The following NECTIN3 variants were observed in gnomAD, a reference collection of about 807,000 sequenced individuals.
NECTIN3 encodes the protein nectin cell adhesion molecule 3.
In NECTIN3, 8 loss-of-function variants were observed where a neutral mutation model predicts 49.4. The ratio of observed to expected loss-of-function variants is 0.16; its 90% confidence interval spans 0.10 to 0.29. The LOEUF (loss-of-function observed/expected upper bound fraction) is 0.29, where lower values mean the gene tolerates loss of function less well. Among genes scored for constraint, NECTIN3 ranks in the 10% least tolerant of loss-of-function variants. NECTIN3 has a pLI of 1.00. For missense variants in NECTIN3, 581 were observed against 654.6 expected, an observed-to-expected ratio of 0.89 and a Z score of 1.23; for synonymous variants, 277 against 241.1, an observed-to-expected ratio of 1.15 and a Z score of -1.38.
intron 5 of NECTIN3, among the ~76,000 whole-genome samples, chr3:111,130,990 T>C (rs958612720): frequency 6.6e-5 from 10 of 152,120 alleles, no homozygotes; most frequent in African/African-American, 1.4e-4. Context: ...TCAGGTCATA[T>C]TGATTTTAGG....
intron 1 of NECTIN3, among the ~76,000 whole-genome samples, chr3:111,078,079 C>T (rs936360125): frequency 1.3e-5 from 2 of 152,046 alleles, no homozygotes; most frequent in African/African-American, 4.8e-5. Context: ...ATATATTATA[C>T]TTATAGATCA....
chr3:111,183,273 A>G (rs755368917), intron 7 of NECTIN3, among the ~76,000 whole-genome samples: 3 of 151,934 alleles, frequency 2.0e-5, no homozygotes, highest in Non-Finnish European at 4.4e-5. Context: ...TTCTTATGTT[A>G]CAGATCTACT....
Position 111,135,377 on chromosome 3 carries a change from A to T in NECTIN3, c.*1162A>T. On this transcript the variant is annotated 3_prime_UTR_variant, in exon 6 of 6. Coordinates refer to ENST00000485303, the MANE Select transcript of NECTIN3 (RefSeq NM_015480.3). ...TCTGTTTTTACGATTAAAACTGGAA[A>T]CATGAGGTTTTTTGTTTTTGTTTTT... The T allele has an allele frequency of 1.1e-6, 1 of 934,952 alleles. No individual in the cohort carries two copies. The highest frequency in any genetic ancestry group is 1.3e-6 in the Non-Finnish European group (1 of 784,332). The allele number at this position is 934,952 out of a possible 1,614,324, so 57.9% of individuals were successfully genotyped here. A position where few individuals can be genotyped will look rare whatever the true frequency, so the allele number is the denominator to read the frequency against.
At chr3:111,128,277 C>T (rs184073362) in intron 5 of NECTIN3, among the ~76,000 whole-genome samples, 1 of 148,008 alleles carries the variant, frequency 6.8e-6, no homozygotes, top group East Asian at 2.0e-4. Context: ...GCAGAGATTG[C>T]AGTGAGCCCA....
intron 1 of NECTIN3, among the ~76,000 whole-genome samples, chr3:111,107,155 G>A (rs563237273): frequency 5.3e-5 from 8 of 151,752 alleles, no homozygotes; most frequent in East Asian, 1.9e-4. Context: ...AGTTATATAC[G>A]TCATTACATT....
intron 1 of NECTIN3, chr3:111,072,620 T>C: frequency 1.3e-6 from 2 of 1,507,522 alleles, no homozygotes; most frequent in Non-Finnish European, 1.8e-6. Context: ...AGCCTCCGGG[T>C]CCACTTCTCA....
Position 111,134,006 on chromosome 3 carries a change from C to A in NECTIN3, c.1441C>A (p.Leu481Ile), listed in dbSNP as rs755325649. ...KKENKNPVNN[L>I]IRKDYLEEPE... ...AGAAAACAAAAATCCAGTGAACAAT[C>A]TAATACGTAAAGACTATTTAGAAGA... Residue 481 changes from leucine (L) to isoleucine (I), a missense_variant, in exon 6 of 6, where the codon CTA becomes ATA. Coordinates refer to ENST00000485303, the MANE Select transcript of NECTIN3 (RefSeq NM_015480.3). 1 of 1,612,826 alleles carries A rather than the reference C, an allele frequency of 6.2e-7. No individual in the cohort carries two copies. The highest frequency in any genetic ancestry group is 1.3e-5 in the African/African-American group (1 of 74,750).
chr3:111,135,228 T>A lies in NECTIN3; in HGVS notation c.*1013T>A. On this transcript the variant is annotated 3_prime_UTR_variant, in exon 6 of 6. Transcript: ENST00000485303. ...AATGTACAGAAAGAAAATTTTAGAG[T>A]AAACTTGGAACTTTGGATATAACTA... 1.0e-6 allele frequency: 1 copy of A among 972,008 alleles called. No individual in the cohort carries two copies. Among genetic ancestry groups the A allele is most frequent in the Non-Finnish European group, 1.2e-6 (1 of 818,008 alleles). 60.2% of individuals were successfully genotyped at this position (972,008 alleles called of 1,614,324 possible). A position where few individuals can be genotyped will look rare whatever the true frequency, so the allele number is the denominator to read the frequency against.
chr3:111,085,832 A>G (rs1217128604), intron 1 of NECTIN3, among the ~76,000 whole-genome samples: 1 of 152,024 alleles, frequency 6.6e-6, no homozygotes, highest in African/African-American at 2.4e-5. Flanking sequence ...TGTGAACATC[A>G]TCGTGCCTGT....
chr3:111,176,257 C>G (rs1222798307), intron 7 of NECTIN3, among the ~76,000 whole-genome samples: 1 of 152,112 alleles, frequency 6.6e-6, no homozygotes, highest in East Asian at 1.9e-4. Context: ...CAAGAAAAAT[C>G]CTTGACTCAT....
At chr3:111,072,293 GA>G in intron 1 of NECTIN3, 116 bp downstream of exon 1, 3 of 1,446,934 alleles carry the variant, frequency 2.1e-6, no homozygotes, top group Non-Finnish European at 2.7e-6. Context: ...TTGTGCGAGC[GA>G]GTGCCGAGGA....
At chr3:111,082,184 G>A (rs900029641) in intron 1 of NECTIN3, among the ~76,000 whole-genome samples, 1 of 152,162 alleles carries the variant, frequency 6.6e-6, no homozygotes, top group Admixed American at 6.5e-5. Flanking sequence ...AGGATGATGA[G>A]AGGATTGATT....
At chr3:111,125,437 C>T (rs190723042) in intron 4 of NECTIN3, among the ~76,000 whole-genome samples, 2 of 152,248 alleles carry the variant, frequency 1.3e-5, no homozygotes, top group Admixed American at 1.3e-4. Context: ...TGATTTTTAG[C>T]AGTGTGCCTA....
At chr3:111,192,297 T>C, upstream of NECTIN3, 1 of 1,423,546 alleles carries the variant, frequency 7.0e-7, no homozygotes, top group Non-Finnish European at 9.5e-7. Flanking sequence ...TCTTAGTGGT[T>C]GATATGTTTT....
At chr3:111,182,606 C>T (rs956607958) in intron 7 of NECTIN3, among the ~76,000 whole-genome samples, 1 of 151,730 alleles carries the variant, frequency 6.6e-6, no homozygotes, top group Non-Finnish European at 1.5e-5. Context: ...TTTTATTTGT[C>T]CTGAAGTTAC....
Position 111,136,909 on chromosome 3 carries a change from G to A in NECTIN3, c.*2694G>A. 4 of 964,420 alleles carry A rather than the reference G, an allele frequency of 4.1e-6. No homozygotes were observed. The highest frequency in any genetic ancestry group is 4.9e-6 in the Non-Finnish European group (4 of 811,064). 59.7% of individuals were successfully genotyped at this position (964,420 alleles called of 1,614,324 possible). A position where few individuals can be genotyped will look rare whatever the true frequency, so the allele number is the denominator to read the frequency against. On this transcript the variant is annotated 3_prime_UTR_variant, in exon 6 of 6. Transcript: ENST00000485303. ...TAACTTTAAAAGTGATATTTGAGAA[G>A]TGCTTTAGAGTTGAAAGATTTAGTA...
Position 111,126,244 on chromosome 3 carries a change from T to C in NECTIN3, c.978T>C (p.His326=), listed in dbSNP as rs776976314. The stretch of plus-strand genomic sequence containing the variant: ...CAGACAATACTCTTCATTTTGTCCA[T>C]CCATTGACTTTCAATTATTCTGGTG... The part of the protein sequence containing the change: ...LASDNTLHFV[H]PLTFNYSGVY... The change falls in exon 5 of 6, where the codon CAT becomes CAC. Residue 326 remains histidine (H), a synonymous_variant. Transcript: ENST00000485303. The C allele has an allele frequency of 6.2e-7, 1 of 1,609,960 alleles. No individual in the cohort carries two copies. Among genetic ancestry groups the C allele is most frequent in the African/African-American group, 1.3e-5 (1 of 74,774 alleles).
In NECTIN3 at chr3:111,117,482, G is replaced by A. The variant is rs570870422; in HGVS notation, c.503-1174G>A. Among the ~76,000 whole-genome samples the A allele has an allele frequency of 2.6e-5, 4 of 152,144 alleles. No individual in the cohort carries two copies. The East Asian group carries it at 7.7e-4, about 29-fold the overall frequency. On this transcript the variant is annotated intron_variant, in intron 2 of 5. Coordinates refer to ENST00000485303, the MANE Select transcript of NECTIN3 (RefSeq NM_015480.3). ...TGTGGTGGTTATATGGATGTTTGCTGTAAAATTGTTCATTGCGTGTGTTGC... is the reference window on the plus strand; with the variant it reads ...TGTGGTGGTTATATGGATGTTTGCTATAAAATTGTTCATTGCGTGTGTTGC...
At chr3:111,089,406 CGTG>C (rs2032119994) in intron 1 of NECTIN3, among the ~76,000 whole-genome samples, 1 of 146,988 alleles carries the variant, frequency 6.8e-6, no homozygotes, top group African/African-American at 2.5e-5. Flanking sequence ...CAGCCTTTCT[CGTG>C]TGTGTGTGTG....
Sources: gnomAD v4.1 joint callset for allele counts (sites outside exome capture counted in the v4.1 genomes callset) on GRCh38, gnomAD v4.1.1 for gene constraint, MANE v1.5 for transcripts, NCBI Gene and HGNC (gene_info 2026-07-23, HGNC 2026-07-21) for gene names.